SOX5: variants seen among roughly 807,000 people sequenced by gnomAD.
SOX5 encodes the protein transcription factor SOX-5.
Under a neutral mutation model 92.0 loss-of-function variants are expected in SOX5, and 9 were observed. The observed-to-expected ratio is 0.10, with a 90% CI of 0.06 to 0.17. The LOEUF is 0.17. Ranked by LOEUF, SOX5 falls within the 10% of genes least tolerant of loss-of-function variation. The probability of loss-of-function intolerance (pLI) is 1.00; values close to 1 mark genes in which losing one functional copy is unlikely to be tolerated. For missense variants in SOX5, 642 were observed against 944.5 expected, an observed-to-expected ratio of 0.68 and a Z score of 4.20; for synonymous variants, 344 against 336.3, an observed-to-expected ratio of 1.02 and a Z score of -0.25.
intron 2 of SOX5, among the ~76,000 whole-genome samples, chr12:23,868,242 C>T (rs1284606682): frequency 6.6e-6 from 1 of 152,052 alleles, no homozygotes; most frequent in East Asian, 1.9e-4. Context: ...TTTCACGGCT[C>T]CACTTCGTAT....
chr12:23,710,546 C>T (rs2091946203), intron 6 of SOX5, among the ~76,000 whole-genome samples: 1 of 152,118 alleles, frequency 6.6e-6, no homozygotes, highest in Admixed American at 6.5e-5. Context: ...CAGCTTCATC[C>T]ATGTCCCCAC....
intron 4 of SOX5, among the ~76,000 whole-genome samples, chr12:24,122,237 C>T (rs992380538): frequency 3.3e-5 from 5 of 152,236 alleles, no homozygotes; most frequent in Non-Finnish European, 5.9e-5. Flanking sequence ...GGAGATGAAA[C>T]GTGGCCTTAT....
chr12:23,828,045 T>C (rs898836533), intron 3 of SOX5, among the ~76,000 whole-genome samples: 5 of 152,228 alleles, frequency 3.3e-5, no homozygotes, highest in African/African-American at 1.2e-4. Context: ...TGAATGTCAA[T>C]GACAGACCAC....
intron 4 of SOX5, among the ~76,000 whole-genome samples, chr12:24,008,074 A>T (rs1211290358): frequency 6.6e-6 from 1 of 152,056 alleles, no homozygotes; most frequent in Non-Finnish European, 1.5e-5. Context: ...AACTATAGAG[A>T]CCAGGAATAT....
intron 13 of SOX5, among the ~76,000 whole-genome samples, chr12:23,537,836 C>T (rs975527295): frequency 4.6e-5 from 7 of 152,034 alleles, no homozygotes; most frequent in Admixed American, 6.6e-5. Context: ...AGCTGCGGAC[C>T]CTCGCGGTGA....
At chr12:24,121,485 G>A (rs1321257958) in intron 4 of SOX5, among the ~76,000 whole-genome samples, 1 of 151,360 alleles carries the variant, frequency 6.6e-6, no homozygotes, top group Non-Finnish European at 1.5e-5. Flanking sequence ...AGCATGGGTG[G>A]AACAATGGTG....
At chr12:24,537,901 A>G (rs1951778573) in intron 1 of SOX5, among the ~76,000 whole-genome samples, 1 of 152,154 alleles carries the variant, frequency 6.6e-6, no homozygotes, top group South Asian at 2.1e-4. Context: ...GTATCTGTTC[A>G]GTTCAAATTT....
chr12:24,476,688 ATG>A (rs1356561692), intron 1 of SOX5, among the ~76,000 whole-genome samples: 1 of 152,058 alleles, frequency 6.6e-6, no homozygotes, highest in Non-Finnish European at 1.5e-5. Flanking sequence ...ATTTGTCGAT[ATG>A]TGTTGGCTTA....
At chr12:24,309,289 T>C (rs1394348930) in intron 2 of SOX5, among the ~76,000 whole-genome samples, 1 of 152,236 alleles carries the variant, frequency 6.6e-6, no homozygotes, top group African/African-American at 2.4e-5. Context: ...TTTTGTTAAT[T>C]GTCAATTTGC....
At chr12:23,894,547 A>G (rs1003073156) in intron 2 of SOX5, among the ~76,000 whole-genome samples, 4 of 152,036 alleles carry the variant, frequency 2.6e-5, no homozygotes, top group Non-Finnish European at 5.9e-5. Flanking sequence ...TTCTTGGTGG[A>G]AAAATCTTGG....
chr12:24,300,134 A>G (rs1484638757), intron 2 of SOX5, among the ~76,000 whole-genome samples: 1 of 152,234 alleles, frequency 6.6e-6, no homozygotes, highest in Non-Finnish European at 1.5e-5. Context: ...GACTTATTCA[A>G]AAGCCACAAT....
At chr12:23,986,640 G>A (rs543025597) in intron 4 of SOX5, among the ~76,000 whole-genome samples, 1 of 152,248 alleles carries the variant, frequency 6.6e-6, no homozygotes, top group East Asian at 1.9e-4. Context: ...TAACAGATTT[G>A]AATGATCCAT....
At chr12:24,228,908 TG>T (rs1962722557) in intron 3 of SOX5, among the ~76,000 whole-genome samples, 1 of 152,206 alleles carries the variant, frequency 6.6e-6, no homozygotes, top group African/African-American at 2.4e-5. Context: ...TGACAATTAG[TG>T]GTTCACTTAA....
At chr12:23,820,677 G>A (rs36136943) in intron 3 of SOX5, among the ~76,000 whole-genome samples, 1 of 152,206 alleles carries the variant, frequency 6.6e-6, no homozygotes, top group South Asian at 2.1e-4. Flanking sequence ...TTATTAAACA[G>A]GGAATCCTTT....
At chr12:24,401,301 G>A (rs1241338072) in intron 1 of SOX5, among the ~76,000 whole-genome samples, 11 of 150,258 alleles carry the variant, frequency 7.3e-5, no homozygotes, top group East Asian at 1.9e-4. Flanking sequence ...GCAGTGAGCC[G>A]AGATCGTGCC....
At chr12:24,222,145 C>A (rs577567616) in intron 3 of SOX5, among the ~76,000 whole-genome samples, 10 of 152,298 alleles carry the variant, frequency 6.6e-5, no homozygotes, top group Middle Eastern at 3.4e-3. Context: ...TCTGAGTGGA[C>A]AGCTCCTCTT....
chr12:23,561,170 T>G (rs1485507269), intron 11 of SOX5, among the ~76,000 whole-genome samples: 2 of 152,216 alleles, frequency 1.3e-5, no homozygotes, highest in East Asian at 3.8e-4. Context: ...AAAATGGATT[T>G]TTTTAAAGTT....
chr12:24,292,877 G>A (rs1208926617), intron 2 of SOX5, among the ~76,000 whole-genome samples: 5 of 152,154 alleles, frequency 3.3e-5, no homozygotes, highest in Admixed American at 3.3e-4. Context: ...CGTACTTCAA[G>A]TTTCTCATGA....
At chr12:23,984,587 GAAGA>G (rs1026027143) in intron 4 of SOX5, among the ~76,000 whole-genome samples, 3 of 152,154 alleles carry the variant, frequency 2.0e-5, no homozygotes, top group African/African-American at 7.2e-5. Context: ...GTGAAGTAGT[GAAGA>G]GAGACAGGAT....
Sources: gnomAD v4.1 joint callset for allele counts (sites outside exome capture counted in the v4.1 genomes callset) on GRCh38, gnomAD v4.1.1 for gene constraint, MANE v1.5 for transcripts, NCBI Gene and HGNC (gene_info 2026-07-23, HGNC 2026-07-21) for gene names.